CMSS1: variants seen among roughly 807,000 people sequenced by gnomAD.
CMSS1 encodes protein CMSS1.
CMSS1 carries 33 observed loss-of-function variants against 43.5 expected under a neutral mutation model. The observed-to-expected ratio is 0.76, with a 90% CI of 0.57 to 1.01. The LOEUF (loss-of-function observed/expected upper bound fraction) is 1.01. Ranked by LOEUF, CMSS1 falls within the 50% of genes least tolerant of loss-of-function variation. The probability of loss-of-function intolerance (pLI) is 0.00; values close to 1 mark genes in which losing one functional copy is unlikely to be tolerated. For missense variants in CMSS1, 313 were observed against 326.4 expected (o/e 0.96, Z 0.32); for synonymous variants, 115 against 117.2 (o/e 0.98, Z 0.12).
chr3:99,878,466 G>C (rs1013405446), intron 1 of CMSS1, among the ~76,000 whole-genome samples: 12 of 152,192 alleles, frequency 7.9e-5, no homozygotes, highest in African/African-American at 2.9e-4. Flanking sequence ...TACATATATA[G>C]TCTTACATAT....
intron 1 of CMSS1, among the ~76,000 whole-genome samples, chr3:100,078,005 G>A (rs1467168919): frequency 6.6e-6 from 1 of 151,776 alleles, no homozygotes; most frequent in Non-Finnish European, 1.5e-5. Context: ...TCGTTTAACA[G>A]CCAGCTAAAA....
At chr3:99,850,586 C>T in intron 1 of CMSS1, 1 of 1,613,766 alleles carries the variant, frequency 6.2e-7, no homozygotes, top group East Asian at 2.2e-5. Context: ...CCAGCGTTTC[C>T]ATATTCTCCC....
At chr3:100,004,185 T>G (rs1001355510) in intron 1 of CMSS1, among the ~76,000 whole-genome samples, 3 of 152,282 alleles carry the variant, frequency 2.0e-5, no homozygotes, top group Middle Eastern at 3.4e-3. Flanking sequence ...TTTTCCCCCT[T>G]ACATATTCTC....
Position 100,172,419 on chromosome 3 carries a change from AG to A in CMSS1, c.667+17del, listed in dbSNP as rs760451488. 1.3e-6 allele frequency: 2 copies of A among 1,589,458 alleles called. No homozygotes were observed. The highest frequency in any genetic ancestry group is 1.7e-6 in the Non-Finnish European group (2 of 1,157,970). On this transcript the variant is annotated intron_variant, in intron 8 of 9. Transcript: ENST00000421999. ...GTTAAACAAGGTATGACAAGAGGGC[AG>A]TGATACTCTTGCCCAGGGCTGGGAG...
At chr3:100,133,704 C>T (rs1240954569) in intron 1 of CMSS1, among the ~76,000 whole-genome samples, 1 of 152,166 alleles carries the variant, frequency 6.6e-6, no homozygotes, top group African/African-American at 2.4e-5. Flanking sequence ...GAAGATCAAT[C>T]CAAACACAAA....
chr3:100,117,846 TATATATAC>T lies in CMSS1; in HGVS notation c.65-29119_65-29112del, dbSNP rs1385235950. On this transcript the variant is annotated intron_variant, in intron 1 of 9. Coordinates refer to ENST00000421999, the MANE Select transcript of CMSS1 (RefSeq NM_032359.4). ...TGCAGTATATATATATATATATATA[TATATATAC>T]ATATATATATATATATATATATATA... Among the ~76,000 whole-genome samples the T allele has an allele frequency of 2.2e-3, 208 of 93,896 alleles. 1 individual carries two copies. The highest frequency in any genetic ancestry group is 5.9e-3 in the African/African-American group (130 of 22,154). The allele number at this position is 93,896 out of a possible 152,430, so 61.6% of individuals were successfully genotyped here. A position where few individuals can be genotyped will look rare whatever the true frequency, so the allele number is the denominator to read the frequency against.
Position 99,947,727 on chromosome 3 carries a change from T to A in CMSS1, c.64+129684T>A, listed in dbSNP as rs138435159. The stretch of plus-strand genomic sequence containing the variant: ...AAATATAAAATTGTTTTGAATACTT[T>A]TAATAAGGTAAAAAGAAAAATAGAA... On this transcript the variant is annotated intron_variant, in intron 1 of 9. Coordinates refer to ENST00000421999, the MANE Select transcript of CMSS1 (RefSeq NM_032359.4). Among the ~76,000 whole-genome samples the A allele has an allele frequency of 3.8e-3, 577 of 152,328 alleles. 3 individuals are homozygous for A. Among genetic ancestry groups the A allele is most frequent in the African/African-American group, 0.013 (549 of 41,566 alleles).
intron 1 of CMSS1, among the ~76,000 whole-genome samples, chr3:99,938,055 G>A (rs902060777): frequency 2.4e-5 from 2 of 83,006 alleles, no homozygotes; most frequent in South Asian, 8.2e-4. Context: ...CAGGAAGTGT[G>A]TGTGTGTGTG....
chr3:100,089,992 C>A (rs1281495188), intron 1 of CMSS1, among the ~76,000 whole-genome samples: 1 of 152,194 alleles, frequency 6.6e-6, no homozygotes, highest in Admixed American at 6.5e-5. Flanking sequence ...CTTCCCTACT[C>A]CCCCGCAACT....
intron 1 of CMSS1, among the ~76,000 whole-genome samples, chr3:100,140,587 A>G (rs2066796383): frequency 6.6e-6 from 1 of 152,080 alleles, no homozygotes; most frequent in Non-Finnish European, 1.5e-5. Flanking sequence ...TGTGGCTTCA[A>G]GGGATTCTCT....
intron 1 of CMSS1, among the ~76,000 whole-genome samples, chr3:99,924,872 A>T (rs750418994): frequency 1.3e-4 from 20 of 152,146 alleles, no homozygotes; most frequent in Non-Finnish European, 4.4e-5. Flanking sequence ...TTGTTAATTG[A>T]TACTTTTGGG....
At chr3:100,136,209 G>A (rs1193413802) in intron 1 of CMSS1, among the ~76,000 whole-genome samples, 1 of 152,096 alleles carries the variant, frequency 6.6e-6, no homozygotes, top group African/African-American at 2.4e-5. Context: ...CTTGAGAGAT[G>A]GAGAAGATAG....
At chr3:99,983,462 G>GTATATATATATATATA (rs1466852207) in intron 1 of CMSS1, among the ~76,000 whole-genome samples, 1 of 11,998 alleles carries the variant, frequency 8.3e-5, no homozygotes, top group Non-Finnish European at 2.0e-4. Flanking sequence ...ATATATATGT[G>GTATATATATATATATA]TGTATATATA....
chr3:100,006,484 A>G (rs768125142), intron 1 of CMSS1, among the ~76,000 whole-genome samples: 5 of 152,152 alleles, frequency 3.3e-5, no homozygotes, highest in Admixed American at 3.3e-4. Flanking sequence ...GTTATCATCT[A>G]TAATTTTCTG....
At chr3:100,085,799 T>C (rs551170652) in intron 1 of CMSS1, among the ~76,000 whole-genome samples, 7 of 152,208 alleles carry the variant, frequency 4.6e-5, no homozygotes, top group Non-Finnish European at 8.8e-5. Context: ...AGAAGTTACA[T>C]ATGTCTTTTA....
intron 1 of CMSS1, among the ~76,000 whole-genome samples, chr3:100,132,518 T>A (rs924928370): frequency 1.3e-5 from 2 of 151,970 alleles, no homozygotes; most frequent in Middle Eastern, 3.4e-3. Flanking sequence ...AAGAACATTC[T>A]ATGCATATAA....
At chr3:100,005,225 G>A (rs1021266160) in intron 1 of CMSS1, among the ~76,000 whole-genome samples, 1 of 152,196 alleles carries the variant, frequency 6.6e-6, no homozygotes, top group Non-Finnish European at 1.5e-5. Context: ...ATGAAAGGTT[G>A]TTGGTGATAA....
chr3:100,039,953 CTG>C (rs1218073899), intron 1 of CMSS1: 1 of 152,122 alleles, frequency 6.6e-6, no homozygotes, highest in African/African-American at 2.4e-5. Context: ...TGGGGTTTCA[CTG>C]TGTTAGCCAG....
chr3:100,042,288 A>G (rs2065217938), intron 1 of CMSS1, among the ~76,000 whole-genome samples: 1 of 152,212 alleles, frequency 6.6e-6, no homozygotes, highest in African/African-American at 2.4e-5. Context: ...TGTAAATGTC[A>G]ATATAAACTT....
Sources: allele counts gnomAD v4.1 joint callset (sites outside exome capture counted in the v4.1 genomes callset), GRCh38; gene constraint gnomAD v4.1.1; transcripts MANE v1.5; gene names NCBI Gene and HGNC (gene_info 2026-07-23, HGNC 2026-07-21).